Variants in KLRF1 observed in about 807,000 individuals in gnomAD.
The protein encoded by KLRF1 is killer cell lectin like receptor F1.
Under a neutral mutation model 30.7 loss-of-function variants are expected in KLRF1, and 27 were observed. That is an observed-to-expected ratio of 0.88 (90% CI 0.65 to 1.21). KLRF1 has a LOEUF of 1.21. Among genes scored for constraint, KLRF1 ranks in the 50% most tolerant of loss-of-function variants. The pLI, the probability that KLRF1 is intolerant of heterozygous loss-of-function variation, is 0.00. For synonymous variants in KLRF1, 92 were observed against 89.3 expected, an observed-to-expected ratio of 1.03 and a Z score of -0.17; for missense variants, 246 against 259.3, an observed-to-expected ratio of 0.95 and a Z score of 0.35.
chr12:9,817,663 T>C, the KLRF1 span: 11 of 261,802 alleles, frequency 4.2e-5, no homozygotes, highest in Admixed American at 3.1e-4. Flanking sequence ...ACATTTTTGG[T>C]CTTTGCCTTC....
intron 5 of KLRF1, 45 bp downstream of exon 5, chr12:9,842,478 A>C: frequency 6.3e-7 from 1 of 1,575,878 alleles, no homozygotes. Context: ...TTTATTGTAG[A>C]ATATGTCTCC....
the KLRF1 span, among the ~76,000 whole-genome samples, chr12:9,805,491 C>T: frequency 1.1e-4 from 16 of 151,986 alleles, 1 homozygote; most frequent in Admixed American, 2.6e-4. Context: ...AATACTATTG[C>T]GTTGATGATT....
the KLRF1 span, chr12:9,817,613 T>A: frequency 3.3e-6 from 1 of 303,248 alleles, no homozygotes; most frequent in Non-Finnish European, 6.7e-6. Flanking sequence ...TCTTTGAAGG[T>A]CCACGGTTTT....
chr12:9,820,941 C>T, the KLRF1 span, among the ~76,000 whole-genome samples: 2 of 152,152 alleles, frequency 1.3e-5, no homozygotes, highest in African/African-American at 4.8e-5. Context: ...GCCCCTGGCT[C>T]ATGACCACAG....
chr12:9,811,242 C>G, the KLRF1 span, among the ~76,000 whole-genome samples: 1 of 132,218 alleles, frequency 7.6e-6, no homozygotes, highest in African/African-American at 2.9e-5. Context: ...AGCAGGATTG[C>G]CAAAGGAGAC....
intron 1 of KLRF1, among the ~76,000 whole-genome samples, chr12:9,831,036 T>A (rs910025822): frequency 2.0e-5 from 3 of 152,048 alleles, no homozygotes; most frequent in African/African-American, 7.2e-5. Flanking sequence ...AGTGGCGCGA[T>A]CTCAGCTCAC....
intron 2 of KLRF1, among the ~76,000 whole-genome samples, chr12:9,832,683 G>GTGTGTGTGTGTA (rs755992978): frequency 2.7e-5 from 4 of 150,910 alleles, no homozygotes; most frequent in Non-Finnish European, 4.4e-5. Context: ...GTGTGTGTGT[G>GTGTGTGTGTGTA]TGTGTATGTG....
chr12:9,837,167 A>G (rs1264535435), intron 3 of KLRF1, among the ~76,000 whole-genome samples: 2 of 152,076 alleles, frequency 1.3e-5, no homozygotes, highest in Admixed American at 1.3e-4. Flanking sequence ...CTTTCGGTCT[A>G]TATGGATTTA....
chr12:9,830,977 T>C (rs1867407765), intron 1 of KLRF1, among the ~76,000 whole-genome samples: 1 of 151,834 alleles, frequency 6.6e-6, no homozygotes, highest in African/African-American at 2.4e-5. Flanking sequence ...TTTATTTTAT[T>C]ATTATTTTTT....
At chr12:9,834,878 G>C (rs2539936) in intron 3 of KLRF1, among the ~76,000 whole-genome samples, 18,081 of 152,034 alleles carry the variant, frequency 0.12, 1,446 homozygotes, top group African/African-American at 0.23. Flanking sequence ...TCAGCAGTGA[G>C]TAAGTCAAGG....
intron 3 of KLRF1, among the ~76,000 whole-genome samples, chr12:9,835,374 T>G (rs1867553472): frequency 6.6e-6 from 1 of 151,922 alleles, no homozygotes; most frequent in Non-Finnish European, 1.5e-5. Flanking sequence ...GAGGTTGTAA[T>G]GGGGACTGGT....
chr12:9,844,586 T>G lies in KLRF1; in HGVS notation c.*60T>G. On this transcript the variant is annotated 3_prime_UTR_variant, in exon 6 of 6. Coordinates refer to ENST00000617889, the MANE Select transcript of KLRF1 (RefSeq NM_016523.3). ...TCACTATTTTTGGCCTATTAGTTTC[T>G]AATATTAATCTCCAGGTGTAAGATT... 1 of 884,184 alleles carries G rather than the reference T, an allele frequency of 1.1e-6. No individual in the cohort carries two copies. The highest frequency in any genetic ancestry group is 1.5e-5 in the South Asian group (1 of 68,056). The allele number at this position is 884,184 out of a possible 1,614,324, so 54.8% of individuals were successfully genotyped here. A position where few individuals can be genotyped will look rare whatever the true frequency, so the allele number is the denominator to read the frequency against.
the KLRF1 span, among the ~76,000 whole-genome samples, chr12:9,801,786 C>T: frequency 6.6e-6 from 1 of 152,058 alleles, no homozygotes; most frequent in Non-Finnish European, 1.5e-5. Flanking sequence ...TATTGTCTCC[C>T]ATTCTGTAGG....
the KLRF1 span, among the ~76,000 whole-genome samples, chr12:9,806,417 A>G: frequency 6.6e-6 from 1 of 152,032 alleles, no homozygotes; most frequent in African/African-American, 2.4e-5. Context: ...TCAATTTTTT[A>G]AAATGTGTTG....
intron 1 of KLRF1, among the ~76,000 whole-genome samples, chr12:9,829,166 A>G (rs764547193): frequency 6.6e-6 from 1 of 152,306 alleles, no homozygotes; most frequent in East Asian, 1.9e-4. Context: ...TAATTGCTCT[A>G]TCCCACTATA....
chr12:9,800,235 T>C, the KLRF1 span, among the ~76,000 whole-genome samples: 1 of 152,118 alleles, frequency 6.6e-6, no homozygotes, highest in East Asian at 1.9e-4. Context: ...TTGCTCCACA[T>C]CTTTATCAGC....
chr12:9,829,706 C>T (rs1232291908), intron 1 of KLRF1, among the ~76,000 whole-genome samples: 1 of 152,172 alleles, frequency 6.6e-6, no homozygotes, highest in Non-Finnish European at 1.5e-5. Context: ...TTACAAAGAG[C>T]TCTAATGGTG....
the KLRF1 span, among the ~76,000 whole-genome samples, chr12:9,810,034 T>G: frequency 6.6e-6 from 1 of 152,158 alleles, no homozygotes; most frequent in South Asian, 2.1e-4. Context: ...CATCATTAAA[T>G]CACTGAAACT....
At chr12:9,819,871 C>A in the KLRF1 span, among the ~76,000 whole-genome samples, 2 of 152,220 alleles carry the variant, frequency 1.3e-5, no homozygotes, top group Non-Finnish European at 2.9e-5. Context: ...GATTTACAAC[C>A]ACCGGGTGTT....
Sources: allele counts gnomAD v4.1 joint callset (sites outside exome capture counted in the v4.1 genomes callset), GRCh38; gene constraint gnomAD v4.1.1; transcripts MANE v1.5; gene names NCBI Gene and HGNC (gene_info 2026-07-23, HGNC 2026-07-21).